The following MTA3 variants were observed in gnomAD, a reference collection of about 807,000 sequenced individuals.
MTA3 encodes metastasis-associated protein MTA3.
Under a neutral mutation model 83.5 loss-of-function variants are expected in MTA3, and 34 were observed. The observed-to-expected ratio is 0.41, with a 90% CI of 0.31 to 0.54. The LOEUF is 0.54. Among genes scored for constraint, MTA3 ranks in the 20% least tolerant of loss-of-function variants. The pLI is 0.33. For missense variants in MTA3, 761 were observed against 726.4 expected (o/e 1.05, Z -0.55); for synonymous variants, 303 against 252.7 (o/e 1.20, Z -1.89).
intron 9 of MTA3, among the ~76,000 whole-genome samples, chr2:42,686,521 TA>T (rs55755916): frequency 0.75 from 111,156 of 148,576 alleles, 41,699 homozygotes; most frequent in South Asian, 0.87. Context: ...CTCTGCCTCT[TA>T]AAAAAAAAAA....
intron 15 of MTA3, among the ~76,000 whole-genome samples, chr2:42,719,487 G>T (rs143718565): frequency 9.4e-4 from 143 of 152,208 alleles, no homozygotes; most frequent in African/African-American, 2.8e-3. Flanking sequence ...ATTAAAATGA[G>T]ATCAAACTGG....
intron 9 of MTA3, among the ~76,000 whole-genome samples, chr2:42,694,980 A>C (rs1465996596): frequency 6.6e-6 from 1 of 152,052 alleles, no homozygotes; most frequent in Non-Finnish European, 1.5e-5. Context: ...CTCTACAAAA[A>C]ATAAAAAAGA....
chr2:42,720,967 A>AG (rs1267275597), intron 15 of MTA3, among the ~76,000 whole-genome samples: 20 of 150,588 alleles, frequency 1.3e-4, no homozygotes, highest in African/African-American at 4.9e-4. Flanking sequence ...AAAAAAAAAA[A>AG]AAAAAAAGAA....
chr2:42,656,164 C>A, intron 6 of MTA3, 36 bp from the exon 7 acceptor site: 1 of 1,468,438 alleles, frequency 6.8e-7, no homozygotes, highest in South Asian at 1.1e-5. Flanking sequence ...TATGCCTTGT[C>A]AGTAACAAGA....
chr2:42,552,242 A>C (rs6752377), intron 2 of MTA3, among the ~76,000 whole-genome samples: 112,223 of 152,032 alleles, frequency 0.74, 41,607 homozygotes, highest in South Asian at 0.88. Flanking sequence ...AGTGTGGCTG[A>C]GCAGCAGTGA....
At chr2:42,712,297 T>C (rs1666686804) in intron 14 of MTA3, among the ~76,000 whole-genome samples, 1 of 151,968 alleles carries the variant, frequency 6.6e-6, no homozygotes, top group Admixed American at 6.6e-5. Flanking sequence ...CATCCATATA[T>C]AGGAATTTTT....
intron 16 of MTA3, among the ~76,000 whole-genome samples, chr2:42,745,455 A>G (rs1669336393): frequency 6.6e-6 from 1 of 151,876 alleles, no homozygotes; most frequent in Non-Finnish European, 1.5e-5. Context: ...TGGCCCTCTG[A>G]TTTTCTTATT....
chr2:42,504,629 T>A (rs1476067872), intron 2 of MTA3, among the ~76,000 whole-genome samples: 1 of 151,806 alleles, frequency 6.6e-6, no homozygotes, highest in Non-Finnish European at 1.5e-5. Flanking sequence ...ATCAATGTCC[T>A]TGCTTTTTCT....
At chr2:42,733,827 G>A (rs1668410379) in intron 16 of MTA3, among the ~76,000 whole-genome samples, 1 of 151,976 alleles carries the variant, frequency 6.6e-6, no homozygotes, top group African/African-American at 2.4e-5. Context: ...ATTTCCATGT[G>A]TTTGTGTAGT....
chr2:42,523,264 T>C (rs1675510083), intron 2 of MTA3, among the ~76,000 whole-genome samples: 1 of 152,152 alleles, frequency 6.6e-6, no homozygotes, highest in African/African-American at 2.4e-5. Flanking sequence ...CTCCCTTTCT[T>C]CCTGAGTAAG....
intron 9 of MTA3, among the ~76,000 whole-genome samples, chr2:42,694,399 C>A (rs763465930): frequency 2.6e-5 from 4 of 152,142 alleles, no homozygotes; most frequent in Non-Finnish European, 2.9e-5. Flanking sequence ...CACTTCAGCC[C>A]ATGGTCATGA....
intron 4 of MTA3, among the ~76,000 whole-genome samples, chr2:42,614,988 A>T (rs190272495): frequency 6.6e-6 from 1 of 150,708 alleles, no homozygotes; most frequent in Non-Finnish European, 1.5e-5. Flanking sequence ...AAAAAAAAAA[A>T]AACAAAAAGC....
chr2:42,560,762 G>A (rs1331087228), intron 2 of MTA3, among the ~76,000 whole-genome samples: 8 of 151,854 alleles, frequency 5.3e-5, no homozygotes, highest in South Asian at 2.1e-4. Context: ...AAAAATTAGC[G>A]GGGATATGGT....
intron 2 of MTA3, among the ~76,000 whole-genome samples, chr2:42,504,433 G>A (rs191901454): frequency 3.1e-4 from 47 of 152,052 alleles, no homozygotes; most frequent in African/African-American, 1.0e-3. Context: ...TAGAGATGGC[G>A]TTTCGCCATG....
At chr2:42,681,511 T>C (rs1170884186) in intron 8 of MTA3, among the ~76,000 whole-genome samples, 1 of 152,142 alleles carries the variant, frequency 6.6e-6, no homozygotes, top group Non-Finnish European at 1.5e-5. Context: ...ATATTTTTAT[T>C]ATTTTAATTT....
At chr2:42,666,471 C>G (rs1195382587) in intron 8 of MTA3, among the ~76,000 whole-genome samples, 2 of 152,158 alleles carry the variant, frequency 1.3e-5, no homozygotes, top group African/African-American at 2.4e-5. Flanking sequence ...GTCCTCTGGA[C>G]TCCAGCCAGG....
intron 2 of MTA3, among the ~76,000 whole-genome samples, chr2:42,497,376 G>T (rs1447519885): frequency 6.6e-6 from 1 of 152,036 alleles, no homozygotes; most frequent in Non-Finnish European, 1.5e-5. Context: ...CATGAGGTCA[G>T]GAGTTCGAGA....
chr2:42,717,838 A>G (rs1667134233), intron 14 of MTA3, among the ~76,000 whole-genome samples: 1 of 152,250 alleles, frequency 6.6e-6, no homozygotes, highest in South Asian at 2.1e-4. Flanking sequence ...TGGCCCATCT[A>G]GGTCAGAGAT....
chr2:42,649,489 T>C (rs1053921754), intron 6 of MTA3, among the ~76,000 whole-genome samples: 1 of 152,158 alleles, frequency 6.6e-6, no homozygotes, highest in African/African-American at 2.4e-5. Flanking sequence ...TTTTGTTATA[T>C]TGTATGCACT....
Sources: gnomAD v4.1 joint callset for allele counts (sites outside exome capture counted in the v4.1 genomes callset) on GRCh38, gnomAD v4.1.1 for gene constraint, MANE v1.5 for transcripts, NCBI Gene and HGNC (gene_info 2026-07-23, HGNC 2026-07-21) for gene names.